GALNT13: variants seen among roughly 807,000 people sequenced by gnomAD.
GALNT13 encodes the protein UDP-GalNAc:polypeptide N-acetylgalactosaminyltransferase 13.
Under a neutral mutation model 64.2 loss-of-function variants are expected in GALNT13, and 28 were observed. That is an observed-to-expected ratio of 0.44 (90% CI 0.32 to 0.60). The LOEUF is 0.60. GALNT13 is among the 20% of genes least tolerant of loss of function. The pLI, the probability that GALNT13 is intolerant of heterozygous loss-of-function variation, is 0.05. For synonymous variants in GALNT13, 214 were observed against 224.6 expected (o/e 0.95, Z 0.42); for missense variants, 577 against 669.8 (o/e 0.86, Z 1.53).
At chr2:153,904,485 A>G (rs1045938687) in intron 2 of GALNT13, among the ~76,000 whole-genome samples, 1 of 151,890 alleles carries the variant, frequency 6.6e-6, no homozygotes, top group Non-Finnish European at 1.5e-5. Context: ...TTTACCAAAG[A>G]TTAGTATAAT....
chr2:153,146,178 T>C, the GALNT13 span, among the ~76,000 whole-genome samples: 2 of 151,576 alleles, frequency 1.3e-5, no homozygotes, highest in African/African-American at 2.4e-5. Context: ...AGGGTTTTTT[T>C]TTTTTTTCCA....
chr2:153,152,527 C>A, the GALNT13 span, among the ~76,000 whole-genome samples: 4 of 151,642 alleles, frequency 2.6e-5, no homozygotes, highest in South Asian at 2.1e-4. Flanking sequence ...AGGTGATAAA[C>A]CTAGTACCCA....
intron 3 of GALNT13, among the ~76,000 whole-genome samples, chr2:154,022,961 G>A (rs976962034): frequency 6.6e-6 from 1 of 152,136 alleles, no homozygotes. Context: ...TTACCCAGTT[G>A]TCATTCAGGA....
At chr2:154,141,278 A>G (rs1683242878) in intron 4 of GALNT13, among the ~76,000 whole-genome samples, 1 of 152,118 alleles carries the variant, frequency 6.6e-6, no homozygotes, top group Non-Finnish European at 1.5e-5. Flanking sequence ...TCTTTTTAAA[A>G]TTTCTTTCTT....
At chr2:153,693,335 T>C in the GALNT13 span, among the ~76,000 whole-genome samples, 3 of 152,328 alleles carry the variant, frequency 2.0e-5, no homozygotes, top group East Asian at 5.8e-4. Flanking sequence ...TATTCGGATT[T>C]AGCCCTGGGA....
At chr2:154,027,890 A>G (rs1698080029) in intron 3 of GALNT13, among the ~76,000 whole-genome samples, 2 of 152,148 alleles carry the variant, frequency 1.3e-5, no homozygotes, top group African/African-American at 4.8e-5. Context: ...TGTTGTAAAA[A>G]TGTATCTCAT....
chr2:153,311,453 A>T, the GALNT13 span, among the ~76,000 whole-genome samples: 1 of 152,258 alleles, frequency 6.6e-6, no homozygotes, highest in Non-Finnish European at 1.5e-5. Context: ...GCTTAAAACA[A>T]CAAACGTTTA....
At chr2:153,182,628 C>T in the GALNT13 span, among the ~76,000 whole-genome samples, 14 of 152,216 alleles carry the variant, frequency 9.2e-5, no homozygotes, top group African/African-American at 3.4e-4. Context: ...ACTGACAGGT[C>T]CCAGAGTGTG....
chr2:153,140,485 T>G, the GALNT13 span, among the ~76,000 whole-genome samples: 2 of 152,018 alleles, frequency 1.3e-5, no homozygotes, highest in Non-Finnish European at 2.9e-5. Context: ...GGTTAATAAT[T>G]TAACTAAAGT....
the GALNT13 span, among the ~76,000 whole-genome samples, chr2:153,561,589 T>C: frequency 8.6e-5 from 13 of 151,992 alleles, no homozygotes; most frequent in Admixed American, 8.5e-4. Flanking sequence ...ATTTCAGATT[T>C]TAGAGCATTT....
chr2:154,242,942 C>T lies in GALNT13; in HGVS notation c.686+37C>T, dbSNP rs193196681. 7 of 1,542,196 alleles carry T rather than the reference C, an allele frequency of 4.5e-6. No homozygotes were observed. In the African/African-American group the frequency reaches 6.8e-5, roughly 15 times the overall value. On this transcript the variant is annotated intron_variant, in intron 6 of 12. Coordinates refer to ENST00000392825, the MANE Select transcript of GALNT13 (RefSeq NM_052917.4). ...TGTGTTCTGTCTGCCTGGGTTATGACTGAACCTCTTAGGACAGTTCCAGAT... is the reference window on the plus strand; with the variant it reads ...TGTGTTCTGTCTGCCTGGGTTATGATTGAACCTCTTAGGACAGTTCCAGAT...
chr2:154,139,652 A>C (rs112396766), intron 3 of GALNT13, among the ~76,000 whole-genome samples: 13 of 148,756 alleles, frequency 8.7e-5, no homozygotes, highest in Non-Finnish European at 1.6e-4. Flanking sequence ...ACACACACAC[A>C]CCCCTTGAAA....
At chr2:153,843,542 T>G in the GALNT13 span, among the ~76,000 whole-genome samples, 107,270 of 151,624 alleles carry the variant, frequency 0.71, 39,701 homozygotes, top group Non-Finnish European at 0.81. Flanking sequence ...TCCCTGCCCC[T>G]CCCCGCAAAT....
chr2:154,411,021 G>T (rs762939210), intron 11 of GALNT13, among the ~76,000 whole-genome samples: 2 of 151,822 alleles, frequency 1.3e-5, no homozygotes, highest in Non-Finnish European at 2.9e-5. Flanking sequence ...TGCAGTCTTG[G>T]AACATGGTGA....
chr2:153,567,827 G>A, the GALNT13 span, among the ~76,000 whole-genome samples: 6 of 152,206 alleles, frequency 3.9e-5, no homozygotes, highest in African/African-American at 1.4e-4. Context: ...CGGGAATCAG[G>A]TACTAATGTT....
chr2:154,189,154 A>G (rs1378272245), intron 4 of GALNT13, among the ~76,000 whole-genome samples: 1 of 152,178 alleles, frequency 6.6e-6, no homozygotes, highest in Non-Finnish European at 1.5e-5. Context: ...TAGAGATGGA[A>G]TGGAGATGCT....
At chr2:153,237,797 G>T in the GALNT13 span, among the ~76,000 whole-genome samples, 1 of 152,030 alleles carries the variant, frequency 6.6e-6, no homozygotes, top group African/African-American at 2.4e-5. Flanking sequence ...AAACATGGGG[G>T]TGCAGGTATC....
chr2:154,241,368 T>TCTTA (rs143598251), intron 4 of GALNT13, among the ~76,000 whole-genome samples: 2,615 of 152,258 alleles, frequency 0.017, 68 homozygotes, highest in African/African-American at 0.059. Flanking sequence ...GGGACCACGC[T>TCTTA]CTTACCTTCC....
intron 11 of GALNT13, among the ~76,000 whole-genome samples, chr2:154,434,405 G>A (rs574729297): frequency 5.9e-5 from 9 of 152,096 alleles, no homozygotes; most frequent in African/African-American, 9.6e-5. Flanking sequence ...AACTACAGGC[G>A]CCCACCACCA....
Sources: gnomAD v4.1 joint callset for allele counts (sites outside exome capture counted in the v4.1 genomes callset) on GRCh38, gnomAD v4.1.1 for gene constraint, MANE v1.5 for transcripts, NCBI Gene and HGNC (gene_info 2026-07-23, HGNC 2026-07-21) for gene names.